Variants in TBC1D4 observed in about 807,000 individuals in gnomAD.
TBC1D4 encodes the protein TBC (Tre-2, BUB2, CDC16) domain-containing protein.
Under a neutral mutation model 142.5 loss-of-function variants are expected in TBC1D4, and 121 were observed. That is an observed-to-expected ratio of 0.85 (90% CI 0.73 to 0.99). TBC1D4 has a LOEUF of 0.99. Among genes scored for constraint, TBC1D4 ranks in the 50% least tolerant of loss-of-function variants. The pLI is 0.00. For synonymous variants in TBC1D4, 630 were observed against 628.2 expected (o/e 1.00, Z -0.04); for missense variants, 1,475 against 1,606.6 (o/e 0.92, Z 1.40).
At chr13:75,428,751 C>G (rs1180234951) in intron 1 of TBC1D4, among the ~76,000 whole-genome samples, 1 of 152,156 alleles carries the variant, frequency 6.6e-6, no homozygotes, top group Non-Finnish European at 1.5e-5. Context: ...AAAGTCTTTG[C>G]CTTCTTGGAC....
At chr13:75,379,185 G>A (rs934767979) in intron 1 of TBC1D4, among the ~76,000 whole-genome samples, 13 of 151,844 alleles carry the variant, frequency 8.6e-5, no homozygotes, top group Non-Finnish European at 2.9e-5. Context: ...CCAGAGAAGC[G>A]AAATGACTAG....
intron 1 of TBC1D4, among the ~76,000 whole-genome samples, chr13:75,476,858 C>G (rs1235996858): frequency 6.6e-6 from 1 of 152,182 alleles, no homozygotes; most frequent in Non-Finnish European, 1.5e-5. Flanking sequence ...CCAGTGGTCT[C>G]TTTTAAGAAG....
chr13:75,297,406 T>C (rs1876045137), intron 17 of TBC1D4, among the ~76,000 whole-genome samples: 2 of 152,200 alleles, frequency 1.3e-5, no homozygotes. Flanking sequence ...CCGTTGTTTC[T>C]GAAAATCAGA....
chr13:75,461,187 T>C (rs188493496), intron 1 of TBC1D4, among the ~76,000 whole-genome samples: 1 of 152,216 alleles, frequency 6.6e-6, no homozygotes, highest in East Asian at 1.9e-4. Context: ...CCACTGAATG[T>C]CTGCAAAGCA....
chr13:75,413,393 C>G (rs1242880926), intron 1 of TBC1D4, among the ~76,000 whole-genome samples: 1 of 152,182 alleles, frequency 6.6e-6, no homozygotes, highest in Admixed American at 6.5e-5. Flanking sequence ...ATCTCTTGAC[C>G]TTGTGATCTG....
intron 18 of TBC1D4, among the ~76,000 whole-genome samples, chr13:75,293,355 A>G (rs199816501): frequency 6.6e-6 from 1 of 152,230 alleles, no homozygotes; most frequent in East Asian, 1.9e-4. Flanking sequence ...ATTGTTTTAT[A>G]AATTCAAAGA....
chr13:75,383,972 A>T (rs538320471), intron 1 of TBC1D4, among the ~76,000 whole-genome samples: 164 of 152,178 alleles, frequency 1.1e-3, no homozygotes, highest in African/African-American at 2.8e-3. Flanking sequence ...CCATTTCAAA[A>T]CTTATCTCCG....
At position 75,294,974 on chromosome 13, in the gene TBC1D4, G is replaced by A. The variant is rs759488163; in HGVS notation, c.3196C>T (p.His1066Tyr). 1 of 1,613,854 alleles carries A rather than the reference G, an allele frequency of 6.2e-7. No individual in the cohort carries two copies. The highest frequency in any genetic ancestry group is 1.1e-5 in the South Asian group (1 of 91,076). ...YQLSRLLHDY[H>Y]RDLYNHLEEN... ...TCAAGGTGATTGTAGAGATCTCTGT[G>A]ATAGTCATGAAGGAGCCTGGACAGC... Residue 1066 changes from histidine (H) to tyrosine (Y), a missense_variant, in exon 18 of 21, where the codon CAC becomes TAC. Physicochemically the swap from His to Tyr is moderately conservative, Grantham distance 83 (BLOSUM62 2). Transcript: ENST00000377636.
At chr13:75,384,309 G>T (rs1884045866) in intron 1 of TBC1D4, among the ~76,000 whole-genome samples, 1 of 152,024 alleles carries the variant, frequency 6.6e-6, no homozygotes, top group Non-Finnish European at 1.5e-5. Context: ...GCTGGTGGGT[G>T]TCTGTAGTCC....
At position 75,369,689 on chromosome 13, in the gene TBC1D4, A is replaced by G. The variant is rs1444700030; in HGVS notation, c.499-7082T>C. Among the ~76,000 whole-genome samples, 5 of 152,214 alleles carry G rather than the reference A, an allele frequency of 3.3e-5. No homozygotes were observed. In the East Asian group the frequency reaches 9.6e-4, roughly 29 times the overall value. The stretch of plus-strand genomic sequence containing the variant: ...TAGGTCTCAGGTTTTTCATATGCAA[A>G]ATGGAAATCACAATGTTTATCTGAA... On this transcript the variant is annotated intron_variant, in intron 1 of 20. Transcript: ENST00000377636.
Position 75,312,787 on chromosome 13 carries a change from G to C in TBC1D4, c.2334C>G (p.Leu778=), listed in dbSNP as rs1380412085. 6.2e-7 allele frequency: 1 copy of C among 1,614,208 alleles called. No homozygotes were observed. The change falls in exon 13 of 21, where the codon CTC becomes CTG. Residue 778 remains leucine, a synonymous_variant. Transcript: ENST00000377636. ...ATTTGTTCATGGGAGAAGCAACCCT[G>C]AGGAAAATGCGCTGCCGCCAGGAGA... ...RRISWRQRIF[L]RVASPMNKSP... is the part of the protein sequence containing the mutation.
intron 12 of TBC1D4, among the ~76,000 whole-genome samples, chr13:75,316,728 A>G (rs1878346697): frequency 6.6e-6 from 1 of 152,226 alleles, no homozygotes; most frequent in Non-Finnish European, 1.5e-5. Context: ...GAAACACTGC[A>G]TCAAAATTCC....
intron 19 of TBC1D4, among the ~76,000 whole-genome samples, chr13:75,289,831 G>C (rs1186828695): frequency 6.6e-6 from 1 of 152,138 alleles, no homozygotes; most frequent in African/African-American, 2.4e-5. Context: ...AAACTTCCTA[G>C]GGGGAAGGAG....
intron 1 of TBC1D4, among the ~76,000 whole-genome samples, chr13:75,381,845 T>A (rs1001024791): frequency 6.6e-6 from 1 of 152,146 alleles, no homozygotes; most frequent in South Asian, 2.1e-4. Context: ...CAAAATAATA[T>A]ACAATGATAC....
At chr13:75,334,183 A>G (rs971968499) in intron 8 of TBC1D4, among the ~76,000 whole-genome samples, 1 of 152,132 alleles carries the variant, frequency 6.6e-6, no homozygotes, top group Non-Finnish European at 1.5e-5. Context: ...ATTTTATGCA[A>G]CAGGTTAGAT....
intron 1 of TBC1D4, among the ~76,000 whole-genome samples, chr13:75,463,776 T>C (rs1425147558): frequency 6.6e-6 from 1 of 152,178 alleles, no homozygotes; most frequent in African/African-American, 2.4e-5. Context: ...AAATAAGAAC[T>C]CCTGATTTAC....
chr13:75,300,837 T>C (rs1342815864), intron 16 of TBC1D4, among the ~76,000 whole-genome samples: 1 of 152,190 alleles, frequency 6.6e-6, no homozygotes, highest in East Asian at 1.9e-4. Flanking sequence ...CTTGGGAACA[T>C]AGGGATTGCC....
At chr13:75,473,674 T>A (rs1888509616) in intron 1 of TBC1D4, among the ~76,000 whole-genome samples, 1 of 152,162 alleles carries the variant, frequency 6.6e-6, no homozygotes, top group African/African-American at 2.4e-5. Flanking sequence ...AACCCCAACA[T>A]CTTGCAAGAA....
At chr13:75,343,037 T>C (rs971958114) in intron 5 of TBC1D4, among the ~76,000 whole-genome samples, 3 of 152,202 alleles carry the variant, frequency 2.0e-5, no homozygotes, top group Non-Finnish European at 2.9e-5. Flanking sequence ...AAAATACTTA[T>C]AATTTGTTCC....
Sources: gnomAD v4.1 joint callset for allele counts (sites outside exome capture counted in the v4.1 genomes callset) on GRCh38, gnomAD v4.1.1 for gene constraint, MANE v1.5 for transcripts, NCBI Gene and HGNC (gene_info 2026-07-23, HGNC 2026-07-21) for gene names.